Variants in BMP1 observed in about 807,000 individuals in gnomAD.
The protein encoded by BMP1 is bone morphogenetic protein 1, also known as mammalian tolloid protein.
A neutral mutation model predicts 116.8 loss-of-function variants in BMP1; 63 were observed. The ratio of observed to expected loss-of-function variants is 0.54; its 90% CI spans 0.44 to 0.67. The LOEUF is 0.67. Among genes scored for constraint, BMP1 ranks in the 30% least tolerant of loss-of-function variants. The pLI, the probability that BMP1 is intolerant of heterozygous loss-of-function variation, is 0.00. For missense variants in BMP1, 1,183 were observed against 1,358.9 expected, an observed-to-expected ratio of 0.87 and a Z score of 2.04; for synonymous variants, 536 against 533.4, an observed-to-expected ratio of 1.00 and a Z score of -0.07.
Position 22,177,846 on chromosome 8 carries a change from T to C in BMP1, c.731-6T>C. ...TCCCCCCACACCCTTTTCCTGATCT[T>C]GGCAGGGCAGGAGTATAACTTCCTG... On this transcript the variant is annotated splice_region_variant and splice_polypyrimidine_tract_variant and intron_variant, in intron 5 of 19. Transcript: ENST00000306385. 6.2e-7 allele frequency: 1 copy of C among 1,603,288 alleles called. No individual in the cohort carries two copies. Among genetic ancestry groups the C allele is most frequent in the Non-Finnish European group, 8.5e-7 (1 of 1,171,716 alleles).
intron 18 of BMP1, among the ~76,000 whole-genome samples, chr8:22,209,134 A>T (rs187924065): frequency 6.6e-6 from 1 of 152,274 alleles, no homozygotes; most frequent in East Asian, 1.9e-4. Context: ...CTTCCATGAC[A>T]GCCATCAGCT....
chr8:22,204,841 G>C (rs530012457), intron 16 of BMP1, among the ~76,000 whole-genome samples: 69 of 152,178 alleles, frequency 4.5e-4, no homozygotes, highest in African/African-American at 1.6e-3. Flanking sequence ...GCCATAGCGA[G>C]TGTTCTCGAA....
At chr8:22,182,162 A>T (rs543796099) in intron 8 of BMP1, among the ~76,000 whole-genome samples, 1 of 152,178 alleles carries the variant, frequency 6.6e-6, no homozygotes, top group African/African-American at 2.4e-5. Flanking sequence ...GCTGGATTCA[A>T]TTCTATTATT....
At chr8:22,201,358 C>A in intron 15 of BMP1, 1 of 1,481,944 alleles carries the variant, frequency 6.7e-7, no homozygotes. Flanking sequence ...CTTCTCCCCA[C>A]TGTGCCCGTC....
Position 22,176,967 on chromosome 8 carries a change from C to G in BMP1, c.558C>G (p.Cys186Trp). ...IVFTYRPCGC[C>W]SYVGRRGGGP... is the part of the protein sequence containing the mutation. ...AGCTGGCCCCGCCCTCCAGGTGCTG[C>G]TCCTACGTGGGTCGCCGCGGCGGGG... is the stretch of plus-strand genomic sequence containing the variant. The change falls in exon 5 of 20, where the codon TGC becomes TGG. Residue 186 changes from cysteine (C) to tryptophan (W), a missense_variant. Transcript: ENST00000306385. The G allele has an allele frequency of 6.2e-7, 1 of 1,610,128 alleles. No homozygotes were observed. Among genetic ancestry groups the G allele is most frequent in the Non-Finnish European group, 8.5e-7 (1 of 1,178,498 alleles).
chr8:22,179,946 C>A lies in BMP1; in HGVS notation c.961+117C>A. The A allele has an allele frequency of 8.5e-7, 1 of 1,180,614 alleles. No homozygotes were observed. 73.1% of individuals were successfully genotyped at this position (1,180,614 alleles called of 1,614,324 possible). A position where few individuals can be genotyped will look rare whatever the true frequency, so the allele number is the denominator to read the frequency against. On this transcript the variant is annotated intron_variant, in intron 7 of 19. Transcript: ENST00000306385. This position sits in a 1 kb window ranked among gnomAD's most constrained non-coding sequence, Gnocchi z 4.6. ...CTGCAAGTCTTAGAGAATGGTGTGG[C>A]GGGGGAGGGGACCCCATAGGAGGGG...
At chr8:22,211,521 G>A in intron 19 of BMP1, 73 bp from the exon 20 acceptor site, 1 of 1,598,960 alleles carries the variant, frequency 6.3e-7, no homozygotes, top group Admixed American at 1.7e-5. Flanking sequence ...TTCAAAGCTG[G>A]GGATCTTGGG....
Position 22,177,100 on chromosome 8 carries a change from G to C in BMP1, c.691G>C (p.Asp231His). The C allele has an allele frequency of 6.2e-7, 1 of 1,611,476 alleles. No individual in the cohort carries two copies. Among genetic ancestry groups the C allele is most frequent in the Non-Finnish European group, 8.5e-7 (1 of 1,178,722 alleles). Reference sequence around the variant, plus strand: ...GCACGAACACACTCGGCCAGACCGGGACCGCCACGTTTCCATCGTTCGTGA... The same window carrying C: ...GCACGAACACACTCGGCCAGACCGGCACCGCCACGTTTCCATCGTTCGTGA... Reference protein sequence around the residue: ...FWHEHTRPDRDRHVSIVRENI... With the variant: ...FWHEHTRPDRHRHVSIVRENI... Residue 231 changes from aspartate (D) to histidine (H), a missense_variant, in exon 5 of 20, where the codon GAC becomes CAC. Asp to His is a moderately conservative substitution (Grantham distance 81). Transcript: ENST00000306385.
rs117873461 is a variant in BMP1 at position 22,188,821 on chromosome 8, C to T, written c.1078-3228C>T. Among the ~76,000 whole-genome samples the T allele has an allele frequency of 6.7e-3, 1,023 of 152,310 alleles. 14 individuals carry two copies. Among genetic ancestry groups the T allele is most frequent in the Middle Eastern group, 0.061 (18 of 294 alleles). The stretch of plus-strand genomic sequence containing the variant: ...GTGGTTTCTTCCTCAGCAGCTGTGA[C>T]GTCATCCTCCCCAGACAGAGCCAAG... On this transcript the variant is annotated intron_variant, in intron 8 of 19. Transcript: ENST00000306385.
intron 8 of BMP1, among the ~76,000 whole-genome samples, chr8:22,186,350 GGA>G (rs918708408): frequency 1.3e-5 from 2 of 152,226 alleles, no homozygotes; most frequent in African/African-American, 4.8e-5. Context: ...GAGGATTGGA[GGA>G]GGGTATAACT....
chr8:22,166,423 T>A (rs1187367298), intron 1 of BMP1, among the ~76,000 whole-genome samples: 4 of 152,082 alleles, frequency 2.6e-5, no homozygotes, highest in African/African-American at 9.7e-5. Flanking sequence ...ACCCCATCAC[T>A]CCTGCTGAGC....
At chr8:22,207,143 C>T (rs993759964) in intron 17 of BMP1, among the ~76,000 whole-genome samples, 160 bp from the exon 18 acceptor site, 5 of 152,350 alleles carry the variant, frequency 3.3e-5, no homozygotes, top group African/African-American at 7.2e-5. Flanking sequence ...AAATTAGGGG[C>T]GTCCCTGCCT....
chr8:22,182,464 G>A (rs147380728), intron 8 of BMP1, among the ~76,000 whole-genome samples: 31 of 152,288 alleles, frequency 2.0e-4, no homozygotes, highest in African/African-American at 5.3e-4. Context: ...CCAGTTGACC[G>A]GGATGTACGC....
Position 22,173,542 on chromosome 8 carries a change from G to A in BMP1, c.149-60G>A, listed in dbSNP as rs369475640. 2.2e-5 allele frequency: 29 copies of A among 1,332,762 alleles called. No individual in the cohort carries two copies. The African/African-American group carries it at 2.5e-4, about 12-fold the overall frequency. 82.6% of individuals were successfully genotyped at this position (1,332,762 alleles called of 1,614,324 possible). On this transcript the variant is annotated intron_variant, in intron 1 of 19. Coordinates refer to ENST00000306385, the MANE Select transcript of BMP1 (RefSeq NM_006129.5). ...CCCACAGGGTTGGGGCTAGAAGCAC[G>A]GTGCACCTAGGGCTGGGTAGGAGGA...
At chr8:22,201,294 C>G in intron 15 of BMP1, 1 of 1,524,284 alleles carries the variant, frequency 6.6e-7, no homozygotes. Context: ...AACCCCCCAC[C>G]TCCACTCTGC....
intron 19 of BMP1, among the ~76,000 whole-genome samples, 198 bp downstream of exon 19, chr8:22,209,893 T>C (rs1355832494): frequency 6.6e-6 from 1 of 152,244 alleles, no homozygotes; most frequent in African/African-American, 2.4e-5. Flanking sequence ...ATCCCCGACG[T>C]AGGAAACCAA....
chr8:22,185,838 T>TC (rs1249699218), intron 8 of BMP1, among the ~76,000 whole-genome samples: 7 of 145,198 alleles, frequency 4.8e-5, no homozygotes, highest in South Asian at 2.3e-4. Flanking sequence ...CTTTTTTTTT[T>TC]TTTTTTTTTT....
At chr8:22,206,067 C>T (rs1829347327) in intron 16 of BMP1, among the ~76,000 whole-genome samples, 1 of 152,146 alleles carries the variant, frequency 6.6e-6, no homozygotes, top group African/African-American at 2.4e-5. Flanking sequence ...ATGACAGCTT[C>T]AAGGAGGGGC....
intron 9 of BMP1, among the ~76,000 whole-genome samples, chr8:22,192,641 G>T (rs1203770898): frequency 6.6e-6 from 1 of 152,196 alleles, no homozygotes; most frequent in East Asian, 1.9e-4. Flanking sequence ...CTGCACACTG[G>T]GCGCCGTGGC....
Sources: gnomAD v4.1 joint callset for allele counts (sites outside exome capture counted in the v4.1 genomes callset) on GRCh38, gnomAD v4.1.1 for gene constraint, Gnocchi (gnomAD v3.1) non-coding constraint, MANE v1.5 for transcripts, NCBI Gene and HGNC (gene_info 2026-07-23, HGNC 2026-07-21) for gene names.